The following KLHL6 variants were observed in gnomAD, a reference collection of about 807,000 sequenced individuals.
KLHL6 encodes the protein kelch-like protein 6.
Under a neutral mutation model 58.6 loss-of-function variants are expected in KLHL6, and 41 were observed. The observed-to-expected ratio is 0.70, with a 90% CI of 0.55 to 0.91. The LOEUF (loss-of-function observed/expected upper bound fraction) is 0.91. Among genes scored for constraint, KLHL6 ranks in the 40% least tolerant of loss-of-function variants. KLHL6 has a pLI of 0.00. For missense variants in KLHL6, 714 were observed against 805.6 expected, an observed-to-expected ratio of 0.89 and a Z score of 1.38; for synonymous variants, 338 against 322.7, an observed-to-expected ratio of 1.05 and a Z score of -0.51.
intron 2 of KLHL6, among the ~76,000 whole-genome samples, chr3:183,515,601 T>G (rs1459261615): frequency 6.6e-6 from 1 of 152,036 alleles, no homozygotes; most frequent in Non-Finnish European, 1.5e-5. Flanking sequence ...TCCTACCTAT[T>G]CATGAAGTTC....
At chr3:183,537,646 A>G (rs527487058) in intron 1 of KLHL6, among the ~76,000 whole-genome samples, 3 of 152,212 alleles carry the variant, frequency 2.0e-5, no homozygotes, top group Admixed American at 1.3e-4. Flanking sequence ...CACAGGCCCA[A>G]GAATCTCCCA....
Position 183,527,891 on chromosome 3 carries a change from G to T in KLHL6, c.413C>A (p.Thr138Asn). The T allele has an allele frequency of 3.1e-6, 5 of 1,614,078 alleles. No homozygotes were observed. Among genetic ancestry groups the T allele is most frequent in the Non-Finnish European group, 4.2e-6 (5 of 1,179,996 alleles). The change falls in exon 2 of 7, where the codon ACC becomes AAC. Residue 138 changes from threonine to asparagine, a missense_variant. Thr to Asn is a moderately conservative substitution (Grantham distance 65, BLOSUM62 0). This residue lies in a region of KLHL6 where 204 missense variants were observed against 175.9 expected (regional missense o/e 1.16). Transcript: ENST00000341319. Reference sequence around the variant, plus strand: ...CAGGACCCGCTGGACATTCTGCTTGGTGATCAGCGCCTTGCTGGTGTACGT... The same window carrying T: ...CAGGACCCGCTGGACATTCTGCTTGTTGATCAGCGCCTTGCTGGTGTACGT... ...DYTYTSKALI[T>N]KQNVQRVLEA... is the part of the protein sequence containing the mutation.
At chr3:183,509,678 G>A (rs187234626) in intron 2 of KLHL6, among the ~76,000 whole-genome samples, 2 of 152,248 alleles carry the variant, frequency 1.3e-5, no homozygotes, top group African/African-American at 4.8e-5. Flanking sequence ...GGAAAAAGAT[G>A]GCAGAACCAC....
intron 4 of KLHL6, among the ~76,000 whole-genome samples, chr3:183,494,517 G>T (rs913161651): frequency 2.0e-5 from 3 of 152,166 alleles, no homozygotes; most frequent in Admixed American, 6.5e-5. Context: ...CCTCAGTGCT[G>T]CGAGAGTTCA....
At chr3:183,543,505 C>T (rs1483007689) in intron 1 of KLHL6, among the ~76,000 whole-genome samples, 2 of 152,202 alleles carry the variant, frequency 1.3e-5, no homozygotes, top group Non-Finnish European at 2.9e-5. Flanking sequence ...AAAGACACTG[C>T]TAGTCACCTG....
intron 1 of KLHL6, among the ~76,000 whole-genome samples, chr3:183,534,519 T>G (rs564188390): frequency 1.3e-5 from 2 of 152,200 alleles, no homozygotes; most frequent in African/African-American, 4.8e-5. Flanking sequence ...TCCTCCTGTC[T>G]CAGCCTCCCA....
At position 183,499,907 on chromosome 3, in the gene KLHL6, G is replaced by A. The variant is rs1577177787; in HGVS notation, c.910-80C>T. On this transcript the variant is annotated intron_variant, in intron 3 of 6. Coordinates refer to ENST00000341319, the MANE Select transcript of KLHL6 (RefSeq NM_130446.4). This position sits in a 1 kb window ranked among gnomAD's most constrained non-coding sequence, Gnocchi z 4.6. ...GGGCTATGGAGCCATTAGGAGTCGG[G>A]TCCAATTCCCATATCTGCCACGGTA... The A allele has an allele frequency of 9.6e-7, 1 of 1,041,992 alleles. No homozygotes were observed. Among genetic ancestry groups the A allele is most frequent in the Non-Finnish European group, 1.4e-6 (1 of 734,334 alleles). The allele number at this position is 1,041,992 out of a possible 1,614,324, so 64.5% of individuals were successfully genotyped here. A position where few individuals can be genotyped will look rare whatever the true frequency, so the allele number is the denominator to read the frequency against.
chr3:183,542,499 G>A (rs2108693842), intron 1 of KLHL6, among the ~76,000 whole-genome samples: 1 of 151,934 alleles, frequency 6.6e-6, no homozygotes, highest in Non-Finnish European at 1.5e-5. Context: ...CTCCCCTCTG[G>A]CCCCTTCTGG....
intron 1 of KLHL6, among the ~76,000 whole-genome samples, chr3:183,555,024 T>A (rs1713058177): frequency 6.6e-6 from 1 of 151,700 alleles, no homozygotes; most frequent in Admixed American, 6.6e-5. Context: ...ATTATCCGGG[T>A]GTTGTGGTGC....
chr3:183,539,076 G>A (rs561186652), intron 1 of KLHL6, among the ~76,000 whole-genome samples: 43 of 152,224 alleles, frequency 2.8e-4, no homozygotes, highest in African/African-American at 4.6e-4. Context: ...CCCTGGCTCC[G>A]ACTCATAATT....
chr3:183,525,165 G>A (rs1711911396), intron 2 of KLHL6, among the ~76,000 whole-genome samples: 1 of 152,076 alleles, frequency 6.6e-6, no homozygotes, highest in African/African-American at 2.4e-5. Flanking sequence ...TCGGGAGTCT[G>A]AGGCAGGAGA....
chr3:183,530,103 C>T (rs1336871632), intron 1 of KLHL6, among the ~76,000 whole-genome samples: 1 of 152,030 alleles, frequency 6.6e-6, no homozygotes, highest in East Asian at 1.9e-4. Context: ...GTTAATCCAT[C>T]CAGTCGATGG....
intron 1 of KLHL6, among the ~76,000 whole-genome samples, chr3:183,550,553 G>C (rs1210448153): frequency 6.6e-6 from 1 of 152,166 alleles, no homozygotes; most frequent in Non-Finnish European, 1.5e-5. Context: ...CCAGCAATTT[G>C]GGAGGCGGAG....
chr3:183,503,221 T>C (rs1697836233), intron 3 of KLHL6, among the ~76,000 whole-genome samples: 1 of 152,272 alleles, frequency 6.6e-6, no homozygotes, highest in Admixed American at 6.5e-5. Context: ...AGCATATTGT[T>C]TCAGCAAAGC....
Position 183,508,041 on chromosome 3 carries a change from C to G in KLHL6, c.909+18G>C. 6.2e-7 allele frequency: 1 copy of G among 1,606,170 alleles called. No homozygotes were observed. Reference sequence around the variant, plus strand: ...TTACTTCGCTGGTTAAATATAGCACCTCTTATCTTCTACTCACCTCATTGC... The same window carrying G: ...TTACTTCGCTGGTTAAATATAGCACGTCTTATCTTCTACTCACCTCATTGC... On this transcript the variant is annotated intron_variant, in intron 3 of 6. Coordinates refer to ENST00000341319, the MANE Select transcript of KLHL6 (RefSeq NM_130446.4).
intron 2 of KLHL6, among the ~76,000 whole-genome samples, chr3:183,515,155 G>A (rs1052989901): frequency 3.9e-5 from 6 of 152,214 alleles, no homozygotes; most frequent in African/African-American, 1.4e-4. Flanking sequence ...CAACACAAGA[G>A]AGAGAGCTAA....
chr3:183,555,635 T>C lies in KLHL6; in HGVS notation c.19A>G (p.Arg7Gly). Residue 7 changes from arginine (R) to glycine (G), a missense_variant, in exon 1 of 7, where the codon AGG becomes GGG. Arg to Gly is a moderately radical substitution (Grantham distance 125). Around this residue, in one of 2 missense-constraint regions of KLHL6, gnomAD observed 204 missense variants for 175.9 expected, o/e 1.16. Coordinates refer to ENST00000341319, the MANE Select transcript of KLHL6 (RefSeq NM_130446.4). MLMAGQ[R>G]GAWTMGDVVE... Reference sequence around the variant, plus strand: ...ACATCACCCATGGTCCAGGCGCCCCTTTGTCCTGCCATCAACATCGAGACT... The same window carrying C: ...ACATCACCCATGGTCCAGGCGCCCCCTTGTCCTGCCATCAACATCGAGACT... 1 of 1,599,958 alleles carries C rather than the reference T, an allele frequency of 6.3e-7. No homozygotes were observed.
At chr3:183,525,024 G>A (rs1276519732) in intron 2 of KLHL6, among the ~76,000 whole-genome samples, 1 of 152,184 alleles carries the variant, frequency 6.6e-6, no homozygotes, top group Non-Finnish European at 1.5e-5. Flanking sequence ...CCAGCACTTT[G>A]GGAGGCCAAG....
At chr3:183,504,676 T>C (rs1717955053) in intron 3 of KLHL6, among the ~76,000 whole-genome samples, 4 of 152,250 alleles carry the variant, frequency 2.6e-5, no homozygotes, top group Admixed American at 2.6e-4. Context: ...GCACAGTATA[T>C]GTTTAAATTG....
Sources: gnomAD v4.1 joint callset for allele counts (sites outside exome capture counted in the v4.1 genomes callset) on GRCh38, gnomAD v4.1.1 for gene constraint, gnomAD v4.1.1 regional missense constraint, Gnocchi (gnomAD v3.1) non-coding constraint, MANE v1.5 for transcripts, NCBI Gene and HGNC (gene_info 2026-07-23, HGNC 2026-07-21) for gene names.